MBOAT7: variants seen among roughly 807,000 people sequenced by gnomAD.
The protein encoded by MBOAT7 is membrane-bound acylglycerophosphatidylinositol O-acyltransferase MBOAT7.
In MBOAT7, 40 loss-of-function variants were observed where a neutral mutation model predicts 47.4. That is an observed-to-expected ratio of 0.84 (90% CI 0.66 to 1.10). The LOEUF (loss-of-function observed/expected upper bound fraction) is 1.10, where lower values mean the gene tolerates loss of function less well. Among genes scored for constraint, MBOAT7 ranks in the 50% least tolerant of loss-of-function variants. MBOAT7 has a pLI of 0.00. For missense variants in MBOAT7, 680 were observed against 655.6 expected (o/e 1.04, Z -0.41); for synonymous variants, 361 against 292.0 (o/e 1.24, Z -2.41).
intron 5 of MBOAT7, among the ~76,000 whole-genome samples, chr19:54,182,997 G>C (rs1057202915): frequency 3.6e-5 from 2 of 55,712 alleles, no homozygotes; most frequent in Non-Finnish European, 7.4e-5. Context: ...CACTGCGCCC[G>C]GCCCTTTAAT....
chr19:54,187,791 G>A (rs1441704285), intron 3 of MBOAT7, among the ~76,000 whole-genome samples: 1 of 152,130 alleles, frequency 6.6e-6, no homozygotes, highest in African/African-American at 2.4e-5. Flanking sequence ...GCTGAGGTGG[G>A]CAGATCACAA....
rs373348958 is a variant in MBOAT7 at position 54,174,032 on chromosome 19, C to G, written c.*12G>C. ...TCCCGGGACCAGCTGGCAGAGGGAG[C>G]GTCGTGACAGCTTACTCCTCCCGGA... On this transcript the variant is annotated 3_prime_UTR_variant, in exon 8 of 8. Coordinates refer to ENST00000245615, the MANE Select transcript of MBOAT7 (RefSeq NM_024298.5). 6.4e-7 allele frequency: 1 copy of G among 1,559,778 alleles called. No homozygotes were observed. The highest frequency in any genetic ancestry group is 1.4e-5 in the African/African-American group (1 of 72,318).
At chr19:54,188,597 C>G in intron 1 of MBOAT7, 86 bp from the exon 2 acceptor site, 3 of 1,290,974 alleles carry the variant, frequency 2.3e-6, no homozygotes, top group Non-Finnish European at 3.2e-6. Flanking sequence ...GGAACCCAGC[C>G]TTCTAGACCC....
At chr19:54,185,776 A>T (rs1175503036) in intron 4 of MBOAT7, among the ~76,000 whole-genome samples, 1 of 151,486 alleles carries the variant, frequency 6.6e-6, no homozygotes, top group Non-Finnish European at 1.5e-5. Flanking sequence ...GCTCACTGCA[A>T]CCTCCACCTT....
intron 6 of MBOAT7, chr19:54,179,344 C>A: frequency 4.4e-6 from 1 of 228,744 alleles, no homozygotes; most frequent in Non-Finnish European, 8.7e-6. Context: ...GGTTATCATC[C>A]CTAATAACAA....
At chr19:54,186,951 T>C in intron 4 of MBOAT7, 2 of 617,338 alleles carry the variant, frequency 3.2e-6, no homozygotes, top group Admixed American at 6.3e-5. Flanking sequence ...TGTGGGTTAT[T>C]TCCTCACCCC....
At chr19:54,178,742 T>G in intron 7 of MBOAT7, 23 bp downstream of exon 7, 1 of 1,611,118 alleles carries the variant, frequency 6.2e-7, no homozygotes, top group Non-Finnish European at 8.5e-7. Context: ...CAGTGTCACC[T>G]GAGACTGGGC....
At chr19:54,186,707 C>T (rs1324267205) in intron 4 of MBOAT7, among the ~76,000 whole-genome samples, 4 of 152,198 alleles carry the variant, frequency 2.6e-5, no homozygotes, top group Non-Finnish European at 4.4e-5. Flanking sequence ...AACCATGACT[C>T]TGTGGGTCTG....
intron 7 of MBOAT7, among the ~76,000 whole-genome samples, chr19:54,176,128 T>C (rs942089833): frequency 1.3e-5 from 2 of 152,220 alleles, no homozygotes; most frequent in African/African-American, 2.4e-5. Flanking sequence ...GTGCTGGGAT[T>C]ACAGGTCTGA....
Position 54,178,770 on chromosome 19 carries a change from G to T in MBOAT7, c.1026C>A (p.Val342=). 6.2e-7 allele frequency: 1 copy of T among 1,613,394 alleles called. No homozygotes were observed. Among genetic ancestry groups the T allele is most frequent in the Non-Finnish European group, 8.5e-7 (1 of 1,179,982 alleles). The change falls in exon 7 of 8, where the codon GTC becomes GTA. Residue 342 remains valine (V), a synonymous_variant. Coordinates refer to ENST00000245615, the MANE Select transcript of MBOAT7 (RefSeq NM_024298.5). Reference sequence around the variant, plus strand: ...GACTGGGCGGGCTCACTCACCGCAGGACATAGGAACGGGCAGGTGCGCTCT... The same window carrying T: ...GACTGGGCGGGCTCACTCACCGCAGTACATAGGAACGGGCAGGTGCGCTCT... ...IYKSAPARSY[V]LRSAWTMLLS... is the part of the protein sequence containing the mutation.
chr19:54,180,492 G>A lies in MBOAT7; in HGVS notation c.854+281C>T. 2.5e-6 allele frequency: 1 copy of A among 396,302 alleles called. No homozygotes were observed. The highest frequency in any genetic ancestry group is 6.3e-5 in the South Asian group (1 of 15,850). 24.5% of individuals were successfully genotyped at this position (396,302 alleles called of 1,614,324 possible). On this transcript the variant is annotated intron_variant, in intron 6 of 7. Coordinates refer to ENST00000245615, the MANE Select transcript of MBOAT7 (RefSeq NM_024298.5). The surrounding 1 kb of genome is among the most constrained non-coding windows in gnomAD (Gnocchi z 5.2). ...GACACTTCTGTGGCAACAGAGGGGT[G>A]GCACAGGGTTGCTAAGTTACCACCT...
At chr19:54,188,033 G>GA (rs1555842486) in intron 3 of MBOAT7, among the ~76,000 whole-genome samples, 184 bp downstream of exon 3, 8 of 68,686 alleles carry the variant, frequency 1.2e-4, no homozygotes, top group African/African-American at 4.3e-4. Context: ...AAGAAAGAAA[G>GA]AAAGAAAGAA....
rs746878926 is a variant in MBOAT7 at position 54,181,012 on chromosome 19, G to C, written c.615C>G (p.Phe205Leu). Residue 205 changes from phenylalanine (F) to leucine (L), a missense_variant, in exon 6 of 8, where the codon TTC becomes TTG. By Grantham distance (22) the Phe-to-Leu change is conservative. Coordinates refer to ENST00000245615, the MANE Select transcript of MBOAT7 (RefSeq NM_024298.5). ...GCGGGAAGAGGTGAGAGGAGAGCAG[G>C]AACAGCAGGCCGAAGAGCGGGGCCG... ...AWPAPLFGLLFLLSSHLFPLE... is the reference protein window; with the variant it reads ...AWPAPLFGLLLLLSSHLFPLE... The C allele has an allele frequency of 6.4e-7, 1 of 1,557,950 alleles. No homozygotes were observed. Among genetic ancestry groups the C allele is most frequent in the Admixed American group, 2.0e-5 (1 of 51,054 alleles).
At chr19:54,184,981 A>C (rs2076392369) in intron 4 of MBOAT7, among the ~76,000 whole-genome samples, 1 of 151,554 alleles carries the variant, frequency 6.6e-6, no homozygotes, top group African/African-American at 2.4e-5. Flanking sequence ...TGGCCTAGGC[A>C]GGCAGATCAC....
In MBOAT7 at chr19:54,181,079, C is replaced by T. The variant is rs765990528; in HGVS notation, c.548G>A (p.Gly183Glu). The change falls in exon 6 of 8, where the codon GGG (glycine) becomes GAG (glutamate). Residue 183 changes from glycine to glutamate, a missense_variant. Physicochemically the swap from Gly to Glu is moderately conservative, Grantham distance 98. Transcript: ENST00000245615. ...CAGGGGCCGCAGGCTGGGCACTGCC[C>T]CGGGGAAGGGCTGCTCCAGCCAGTC... Reference protein sequence around the residue: ...YLDWLEQPFPGAVPSLRPLLR... With the variant: ...YLDWLEQPFPEAVPSLRPLLR... 1 of 1,525,480 alleles carries T rather than the reference C, an allele frequency of 6.6e-7. No homozygotes were observed. The highest frequency in any genetic ancestry group is 1.3e-5 in the South Asian group (1 of 79,570). 94.5% of individuals were successfully genotyped at this position (1,525,480 alleles called of 1,614,324 possible).
chr19:54,188,099 G>C, intron 3 of MBOAT7, 118 bp downstream of exon 3: 1 of 907,160 alleles, frequency 1.1e-6, no homozygotes, highest in Non-Finnish European at 1.7e-6. Flanking sequence ...ACAGAGAAAT[G>C]AGCTGATCAA....
At chr19:54,178,738 C>A (rs777534486) in intron 7 of MBOAT7, 27 bp downstream of exon 7, 1 of 1,609,538 alleles carries the variant, frequency 6.2e-7, no homozygotes, top group African/African-American at 1.3e-5. Flanking sequence ...TCTGCAGTGT[C>A]ACCTGAGACT....
rs1171942949 is a variant in MBOAT7 at position 54,180,943 on chromosome 19, G to A, written c.684C>T (p.Pro228=). 4.4e-6 allele frequency: 7 copies of A among 1,586,942 alleles called. No individual in the cohort carries two copies. Among genetic ancestry groups the A allele is most frequent in the South Asian group, 1.1e-5 (1 of 87,566 alleles). Reference sequence around the variant, plus strand: ...CGGGGATCATGTAGAAGAGGCGGGCGGGCAGCGGGCGGGCGTAGAAGGCGT... The same window carrying A: ...CGGGGATCATGTAGAAGAGGCGGGCAGGCAGCGGGCGGGCGTAGAAGGCGT... ...REDAFYARPL[P]ARLFYMIPVF... is the part of the protein sequence containing the mutation. The change falls in exon 6 of 8, where the codon CCC becomes CCT. Residue 228 remains proline (P), a synonymous_variant. Coordinates refer to ENST00000245615, the MANE Select transcript of MBOAT7 (RefSeq NM_024298.5). The surrounding 1 kb of genome is among the most constrained non-coding windows in gnomAD (Gnocchi z 5.2).
At chr19:54,177,438 T>G (rs372695590) in intron 7 of MBOAT7, among the ~76,000 whole-genome samples, 6 of 148,264 alleles carry the variant, frequency 4.0e-5, no homozygotes, top group South Asian at 2.1e-4. Context: ...TGGGACTACA[T>G]GCACCCGCCG....
Sources: allele counts gnomAD v4.1 joint callset (sites outside exome capture counted in the v4.1 genomes callset), GRCh38; gene constraint gnomAD v4.1.1; non-coding constraint Gnocchi (gnomAD v3.1); transcripts MANE v1.5; gene names NCBI Gene and HGNC (gene_info 2026-07-23, HGNC 2026-07-21).